NYAP1: variants seen among roughly 807,000 people sequenced by gnomAD.
The protein encoded by NYAP1 is neuronal tyrosine-phosphorylated phosphoinositide-3-kinase adapter 1.
A neutral mutation model predicts 58.6 loss-of-function variants in NYAP1; 20 were observed. The observed-to-expected ratio is 0.34, with a 90% CI of 0.24 to 0.50. The LOEUF (loss-of-function observed/expected upper bound fraction) is 0.50. Among genes scored for constraint, NYAP1 ranks in the 20% least tolerant of loss-of-function variants. The probability of loss-of-function intolerance (pLI) is 0.98; values close to 1 mark genes in which losing one functional copy is unlikely to be tolerated. For synonymous variants in NYAP1, 572 were observed against 523.1 expected, an observed-to-expected ratio of 1.09 and a Z score of -1.27; for missense variants, 1,150 against 1,194.5, an observed-to-expected ratio of 0.96 and a Z score of 0.55.
rs1374818597 is a variant in NYAP1 at position 100,490,521 on chromosome 7, C to A, written c.1950C>A (p.Val650=). 1 of 1,580,754 alleles carries A rather than the reference C, an allele frequency of 6.3e-7. No homozygotes were observed. The highest frequency in any genetic ancestry group is 8.6e-7 in the Non-Finnish European group (1 of 1,163,554). ...CTCTCCTTGTCATCCCAGCAGAGGTCGAGGACGGTGCCCGGGCCTGGAATG... is the reference window on the plus strand; with the variant it reads ...CTCTCCTTGTCATCCCAGCAGAGGTAGAGGACGGTGCCCGGGCCTGGAATG... ...GGRKAKELDK[V]EDGARAWNGS... is the part of the protein sequence containing the mutation. Residue 650 remains valine (V), a synonymous_variant, in exon 5 of 7, where the codon GTC becomes GTA. Coordinates refer to ENST00000300179, the MANE Select transcript of NYAP1 (RefSeq NM_173564.4). The surrounding 1 kb of genome is among the most constrained non-coding windows in gnomAD (Gnocchi z 4.6).
chr7:100,485,511 G>A lies in NYAP1; in HGVS notation c.68+132G>A. On this transcript the variant is annotated intron_variant, in intron 2 of 6. Coordinates refer to ENST00000300179, the MANE Select transcript of NYAP1 (RefSeq NM_173564.4). The surrounding 1 kb of genome is among the most constrained non-coding windows in gnomAD (Gnocchi z 5.7). ...TCTGATCTCAGAGTCAGTACGGAAT[G>A]GCCAGGATTGCACACACTGTCCTGG... 1 of 698,638 alleles carries A rather than the reference G, an allele frequency of 1.4e-6. No individual in the cohort carries two copies. The highest frequency in any genetic ancestry group is 2.5e-6 in the Non-Finnish European group (1 of 399,826). 43.3% of individuals were successfully genotyped at this position (698,638 alleles called of 1,614,324 possible). A position where few individuals can be genotyped will look rare whatever the true frequency, so the allele number is the denominator to read the frequency against.
Position 100,489,509 on chromosome 7 carries a change from TG to T in NYAP1, c.1793del (p.Gly598ValfsTer84). ...KIQLQEQGTD[G>X]GAFASISCAH... ...TCCAGCTGCAGGAGCAAGGGACCGA[TG>T]GGGGTGCTTTTGCCAGCATCTCCTG... On this transcript the variant is annotated frameshift_variant, in exon 4 of 7. Coordinates refer to ENST00000300179, the MANE Select transcript of NYAP1 (RefSeq NM_173564.4). LOFTEE classifies it high-confidence loss of function. 6.2e-7 allele frequency: 1 copy of T among 1,613,078 alleles called. No homozygotes were observed. Among genetic ancestry groups the T allele is most frequent in the Middle Eastern group, 1.6e-4 (1 of 6,062 alleles).
rs761337705 is a variant in NYAP1 at position 100,489,197 on chromosome 7, C to T, written c.1476C>T (p.Ile492=). Residue 492 remains isoleucine (I), a synonymous_variant, in exon 4 of 7, where the codon ATC becomes ATT. Transcript: ENST00000300179. The part of the protein sequence containing the change: ...GAGEPKTEKE[I]SVLHGMLCTS... ...GGGAGCCAAAGACGGAGAAGGAGAT[C>T]TCGGTCCTCCATGGGATGCTGTGTA... The T allele has an allele frequency of 1.9e-6, 3 of 1,610,700 alleles. No homozygotes were observed. The highest frequency in any genetic ancestry group is 1.7e-6 in the Non-Finnish European group (2 of 1,179,020).
Position 100,487,316 on chromosome 7 carries a change from T to C in NYAP1, c.430+134T>C, listed in dbSNP as rs185514937. ...TGGAAGATTCCATTCTCAAAAGGAA[T>C]TGGGGGGGTCCTTTTGGATGGGCCT... On this transcript the variant is annotated intron_variant, in intron 3 of 6. Transcript: ENST00000300179. This position sits in a 1 kb window ranked among gnomAD's most constrained non-coding sequence, Gnocchi z 4.1. 5.8e-5 allele frequency: 57 copies of C among 983,824 alleles called. No homozygotes were observed. In the African/African-American group the frequency reaches 6.2e-4, roughly 11 times the overall value. The allele number at this position is 983,824 out of a possible 1,614,324, so 60.9% of individuals were successfully genotyped here.
In NYAP1 at chr7:100,488,774, C is replaced by A; in HGVS notation, c.1053C>A (p.Gly351=). 1 of 1,593,540 alleles carries A rather than the reference C, an allele frequency of 6.3e-7. No homozygotes were observed. The change falls in exon 4 of 7, where the codon GGC becomes GGA. Residue 351 remains glycine, a synonymous_variant. Coordinates refer to ENST00000300179, the MANE Select transcript of NYAP1 (RefSeq NM_173564.4). The surrounding 1 kb of genome is among the most constrained non-coding windows in gnomAD (Gnocchi z 5.9). ...PQAKSASRTP[G]DGVSRLPVLC... ...CCAAGTCTGCTTCCCGAACCCCTGGCGATGGGGTCTCAAGGCTACCTGTCC... is the reference window on the plus strand; with the variant it reads ...CCAAGTCTGCTTCCCGAACCCCTGGAGATGGGGTCTCAAGGCTACCTGTCC...
rs1799787277 is a variant in NYAP1, at chr7:100,490,932, G to A, written c.2159-54G>A. On this transcript the variant is annotated intron_variant, in intron 5 of 6. Coordinates refer to ENST00000300179, the MANE Select transcript of NYAP1 (RefSeq NM_173564.4). This position sits in a 1 kb window ranked among gnomAD's most constrained non-coding sequence, Gnocchi z 4.6. ...TTCAAGGGCAGGGGACTGGGAACTA[G>A]GGGAGGGGTACCTGAGGCCCCTGCA... The A allele has an allele frequency of 8.1e-7, 1 of 1,238,946 alleles. No individual in the cohort carries two copies. Among genetic ancestry groups the A allele is most frequent in the Non-Finnish European group, 1.1e-6 (1 of 877,408 alleles). The allele number at this position is 1,238,946 out of a possible 1,614,324, so 76.7% of individuals were successfully genotyped here. A position where few individuals can be genotyped will look rare whatever the true frequency, so the allele number is the denominator to read the frequency against.
In NYAP1 at chr7:100,494,062, C is replaced by T. The variant is rs1218105299; in HGVS notation, c.*159C>T. On this transcript the variant is annotated 3_prime_UTR_variant, in exon 7 of 7. Transcript: ENST00000300179. ...TACCCCCCGGGATGGGGAGAGTCTG[C>T]CAGGCCCATTGGGCTTAGGATGCCA... 2 of 640,614 alleles carry T rather than the reference C, an allele frequency of 3.1e-6. No individual in the cohort carries two copies. The highest frequency in any genetic ancestry group is 5.0e-6 in the Non-Finnish European group (2 of 402,740). The allele number at this position is 640,614 out of a possible 1,614,324, so 39.7% of individuals were successfully genotyped here. A position where few individuals can be genotyped will look rare whatever the true frequency, so the allele number is the denominator to read the frequency against.
rs1416444956 is a variant in NYAP1, at chr7:100,490,340, G to A, written c.1946-177G>A. ...ATGGTACCAATGGGTGGAAAGGAAG[G>A]GGTGTGTGTGTGTTTGTATGTATGT... is the stretch of plus-strand genomic sequence containing the variant. On this transcript the variant is annotated intron_variant, in intron 4 of 6. Coordinates refer to ENST00000300179, the MANE Select transcript of NYAP1 (RefSeq NM_173564.4). This position sits in a 1 kb window ranked among gnomAD's most constrained non-coding sequence, Gnocchi z 4.6. Among the ~76,000 whole-genome samples, 1 of 152,138 alleles carries A rather than the reference G, an allele frequency of 6.6e-6. No individual in the cohort carries two copies. The highest frequency in any genetic ancestry group is 1.5e-5 in the Non-Finnish European group (1 of 68,022).
rs866934060 is a variant in NYAP1, at chr7:100,494,061, G to A, written c.*158G>A. On this transcript the variant is annotated 3_prime_UTR_variant, in exon 7 of 7. Transcript: ENST00000300179. ...CTACCCCCCGGGATGGGGAGAGTCT[G>A]CCAGGCCCATTGGGCTTAGGATGCC... The A allele has an allele frequency of 3.1e-6, 2 of 646,558 alleles. No homozygotes were observed. Among genetic ancestry groups the A allele is most frequent in the African/African-American group, 3.9e-5 (2 of 51,456 alleles). The allele number at this position is 646,558 out of a possible 1,614,324, so 40.1% of individuals were successfully genotyped here.
chr7:100,488,947 C>A lies in NYAP1; in HGVS notation c.1226C>A (p.Pro409Gln). ...GGCCGGGCCCGGAGCCACTCGACAC[C>A]GTTGCCACCCCAGGGCTCTGGCCAG... ...PSGRARSHST[P>Q]LPPQGSGQPR... The change falls in exon 4 of 7, where the codon CCG becomes CAG. Residue 409 changes from proline (P) to glutamine (Q), a missense_variant. Coordinates refer to ENST00000300179, the MANE Select transcript of NYAP1 (RefSeq NM_173564.4). The surrounding 1 kb of genome is among the most constrained non-coding windows in gnomAD (Gnocchi z 5.9). 6.4e-7 allele frequency: 1 copy of A among 1,568,620 alleles called. No homozygotes were observed. Among genetic ancestry groups the A allele is most frequent in the Non-Finnish European group, 8.6e-7 (1 of 1,165,356 alleles).
Position 100,485,619 on chromosome 7 carries a change from C to A in NYAP1, c.68+240C>A, listed in dbSNP as rs1799693066. On this transcript the variant is annotated intron_variant, in intron 2 of 6. Transcript: ENST00000300179. The surrounding 1 kb of genome is among the most constrained non-coding windows in gnomAD (Gnocchi z 5.7). ...TCCCCATCCCCAGAGGCCCGAGTCA[C>A]TCCTTCCTGACTCACCTCTGGCCTG... Among the ~76,000 whole-genome samples, 2 of 152,208 alleles carry A rather than the reference C, an allele frequency of 1.3e-5. No homozygotes were observed. The highest frequency in any genetic ancestry group is 4.8e-5 in the African/African-American group (2 of 41,448).
Position 100,487,228 on chromosome 7 carries a change from A to T in NYAP1, c.430+46A>T, listed in dbSNP as rs777631880. ...CCCTGGGGTGGAGCTGGGAGCTGGG[A>T]GGATCTATTCCACGCCCGGGGAGGC... On this transcript the variant is annotated intron_variant, in intron 3 of 6. Coordinates refer to ENST00000300179, the MANE Select transcript of NYAP1 (RefSeq NM_173564.4). This position sits in a 1 kb window ranked among gnomAD's most constrained non-coding sequence, Gnocchi z 4.1. The T allele has an allele frequency of 9.5e-6, 14 of 1,466,744 alleles. No homozygotes were observed. The highest frequency in any genetic ancestry group is 1.2e-5 in the Non-Finnish European group (13 of 1,109,412). 90.9% of individuals were successfully genotyped at this position (1,466,744 alleles called of 1,614,324 possible).
Position 100,488,880 on chromosome 7 carries a change from C to T in NYAP1, c.1159C>T (p.Pro387Ser). Residue 387 changes from proline (P) to serine (S), a missense_variant, in exon 4 of 7, where the codon CCT becomes TCT. By Grantham distance (74) the Pro-to-Ser change is moderately conservative. Coordinates refer to ENST00000300179, the MANE Select transcript of NYAP1 (RefSeq NM_173564.4). The surrounding 1 kb of genome is among the most constrained non-coding windows in gnomAD (Gnocchi z 5.9). ...ARERETPPPP[P>S]PPPAANLLLL... ...GGAGCGGGAGACGCCTCCCCCACCGCCTCCACCTCCTGCTGCCAACCTGCT... is the reference window on the plus strand; with the variant it reads ...GGAGCGGGAGACGCCTCCCCCACCGTCTCCACCTCCTGCTGCCAACCTGCT... The T allele has an allele frequency of 1.3e-6, 2 of 1,598,980 alleles. No homozygotes were observed. Among genetic ancestry groups the T allele is most frequent in the Non-Finnish European group, 1.7e-6 (2 of 1,175,220 alleles).
intron 6 of NYAP1, among the ~76,000 whole-genome samples, chr7:100,491,385 C>G (rs554867882): frequency 6.6e-6 from 1 of 152,062 alleles, no homozygotes; most frequent in African/African-American, 2.4e-5. Flanking sequence ...TTGCTTGAGC[C>G]CAGGAGGTCG....
At chr7:100,484,285 G>T (rs1055833798) in intron 1 of NYAP1, among the ~76,000 whole-genome samples, 2 of 152,088 alleles carry the variant, frequency 1.3e-5, no homozygotes, top group African/African-American at 4.8e-5. Context: ...AAGGAAAACC[G>T]GAGCAGGTAT....
In NYAP1 at chr7:100,488,305, G is replaced by C. The variant is rs759962920; in HGVS notation, c.584G>C (p.Arg195Pro). The C allele has an allele frequency of 1.2e-6, 2 of 1,613,236 alleles. No individual in the cohort carries two copies. Among genetic ancestry groups the C allele is most frequent in the Non-Finnish European group, 1.7e-6 (2 of 1,179,696 alleles). The change falls in exon 4 of 7, where the codon CGC becomes CCC. Residue 195 changes from arginine to proline, a missense_variant. Physicochemically the swap from Arg to Pro is moderately radical, Grantham distance 103. Transcript: ENST00000300179. This position sits in a 1 kb window ranked among gnomAD's most constrained non-coding sequence, Gnocchi z 5.9. ...CGAGGGGGGAACCTGCCTCTTCAGC[G>C]CCTCACTAGGGGGTCCCGAGTAGCT... ...SPRGGNLPLQ[R>P]LTRGSRVAGD...
chr7:100,488,358 G>C lies in NYAP1; in HGVS notation c.637G>C (p.Glu213Gln). The change falls in exon 4 of 7, where the codon GAG becomes CAG. Residue 213 changes from glutamate to glutamine, a missense_variant. Glu to Gln is a conservative substitution (Grantham distance 29, BLOSUM62 2). Coordinates refer to ENST00000300179, the MANE Select transcript of NYAP1 (RefSeq NM_173564.4). The surrounding 1 kb of genome is among the most constrained non-coding windows in gnomAD (Gnocchi z 5.9). The stretch of plus-strand genomic sequence containing the variant: ...GGACCCTGATGTGGGTGCCCAGGAA[G>C]AGCCTGTGTACATTGAGATGGTGGG... ...AGDPDVGAQE[E>Q]PVYIEMVGDV... 6.2e-7 allele frequency: 1 copy of C among 1,604,826 alleles called. No individual in the cohort carries two copies. The highest frequency in any genetic ancestry group is 2.2e-5 in the East Asian group (1 of 44,826).
chr7:100,494,183 T>G lies in NYAP1; in HGVS notation c.*280T>G. The G allele has an allele frequency of 2.6e-6, 1 of 383,246 alleles. No homozygotes were observed. The highest frequency in any genetic ancestry group is 4.6e-6 in the Non-Finnish European group (1 of 215,700). 23.7% of individuals were successfully genotyped at this position (383,246 alleles called of 1,614,324 possible). A position where few individuals can be genotyped will look rare whatever the true frequency, so the allele number is the denominator to read the frequency against. ...CTTCCCGCTGGGCGTTGTACACCCC[T>G]CCTCCTGAACCAAGCCAGAGGTCAG... is the stretch of plus-strand genomic sequence containing the variant. On this transcript the variant is annotated 3_prime_UTR_variant, in exon 7 of 7. Coordinates refer to ENST00000300179, the MANE Select transcript of NYAP1 (RefSeq NM_173564.4).
chr7:100,488,058 C>A lies in NYAP1; in HGVS notation c.431-94C>A. ...GGGGAAAAGGAAGAGGCAGATATGT[C>A]CTTGCAGAAGGGTCAAGGGATCAGA... On this transcript the variant is annotated intron_variant, in intron 3 of 6. Coordinates refer to ENST00000300179, the MANE Select transcript of NYAP1 (RefSeq NM_173564.4). The surrounding 1 kb of genome is among the most constrained non-coding windows in gnomAD (Gnocchi z 5.9). 1.2e-6 allele frequency: 1 copy of A among 868,352 alleles called. No homozygotes were observed. The highest frequency in any genetic ancestry group is 1.8e-6 in the Non-Finnish European group (1 of 564,416). The allele number at this position is 868,352 out of a possible 1,614,324, so 53.8% of individuals were successfully genotyped here. A position where few individuals can be genotyped will look rare whatever the true frequency, so the allele number is the denominator to read the frequency against.
Sources: allele counts gnomAD v4.1 joint callset (sites outside exome capture counted in the v4.1 genomes callset), GRCh38; gene constraint gnomAD v4.1.1; non-coding constraint Gnocchi (gnomAD v3.1); transcripts MANE v1.5; gene names NCBI Gene and HGNC (gene_info 2026-07-23, HGNC 2026-07-21).